COPS7B: variants seen among roughly 807,000 people sequenced by gnomAD.
COPS7B encodes the protein COP9 signalosome complex subunit 7b.
Under a neutral mutation model 33.4 loss-of-function variants are expected in COPS7B, and 9 were observed. The observed-to-expected ratio is 0.27, with a 90% confidence interval of 0.16 to 0.47. The LOEUF is 0.47. COPS7B is among the 20% of genes least tolerant of loss of function. COPS7B has a pLI of 0.99. For missense variants in COPS7B, 242 were observed against 318.2 expected (o/e 0.76, Z 1.82); for synonymous variants, 119 against 126.3 (o/e 0.94, Z 0.39).
In COPS7B at chr2:231,796,219, G is replaced by T; in HGVS notation, c.441G>T (p.Gln147His). 1 of 1,614,178 alleles carries T rather than the reference G, an allele frequency of 6.2e-7. No homozygotes were observed. Residue 147 changes from glutamine to histidine, a missense_variant, in exon 5 of 7, where the codon CAG becomes CAT. By Grantham distance (24) the Gln-to-His change is conservative. Transcript: ENST00000350033. ...YTDIIQGKLD[Q>H]RNQLLEVDFC... ...ACATCATCCAGGGCAAGCTGGACCA[G>T]CGAAACCAGCTGCTGGAAGTGGATT...
chr2:231,807,576 T>G lies in COPS7B; in HGVS notation c.726T>G (p.Pro242=). The change falls in exon 7 of 7, where the codon CCT becomes CCG. Residue 242 remains proline, a synonymous_variant. Transcript: ENST00000350033. The part of the protein sequence containing the change: ...EQQLAERECP[P]HAEQRQPTKK... ...AGCTGGCTGAACGGGAGTGTCCCCC[T>G]CACGCTGAGCAGAGGCAGCCCACCA... is the stretch of plus-strand genomic sequence containing the variant. 1 of 1,607,700 alleles carries G rather than the reference T, an allele frequency of 6.2e-7. No homozygotes were observed. The highest frequency in any genetic ancestry group is 1.3e-5 in the African/African-American group (1 of 74,796).
upstream of COPS7B, chr2:231,781,697 T>A (rs1422145338): frequency 4.1e-6 from 3 of 736,530 alleles, no homozygotes; most frequent in Non-Finnish European, 7.0e-6. Flanking sequence ...ACTCGGTTCC[T>A]CTGTAACTTA....
chr2:231,796,448 G>A (rs2049573439), intron 5 of COPS7B, 140 bp downstream of exon 5: 2 of 676,664 alleles, frequency 3.0e-6, no homozygotes, highest in Admixed American at 5.0e-5. Flanking sequence ...GCCGGAGAGT[G>A]GAGCTACATT....
rs1574688672 is a variant in COPS7B, at chr2:231,808,254, C to T, written c.*609C>T. The T allele has an allele frequency of 2.8e-6, 1 of 354,322 alleles. No homozygotes were observed. The highest frequency in any genetic ancestry group is 8.9e-5 in the East Asian group (1 of 11,250). The allele number at this position is 354,322 out of a possible 1,614,324, so 21.9% of individuals were successfully genotyped here. On this transcript the variant is annotated 3_prime_UTR_variant, in exon 7 of 7. Transcript: ENST00000350033. ...TCAGCCTCTTAAGCCCAGCTCCGAT[C>T]TCCAATTAGTTGAGAGCGCTGGGTT...
chr2:231,801,630 C>CT (rs199606465), intron 6 of COPS7B, among the ~76,000 whole-genome samples: 28,359 of 130,970 alleles, frequency 0.22, 3,019 homozygotes, highest in Non-Finnish European at 0.25. Flanking sequence ...TTTTTCTTTT[C>CT]TTTTTTTTTT....
chr2:231,781,687 A>T, upstream of COPS7B: 1 of 686,182 alleles, frequency 1.5e-6, no homozygotes, highest in Non-Finnish European at 2.6e-6. Flanking sequence ...CATCCCCTGC[A>T]CTCGGTTCCT....
rs532351628 is a variant in COPS7B, at chr2:231,786,940, C to T, written c.-17+402C>T. ...ACATTCTCTGCGCCCACAGGCTTTG[C>T]TCCTTAAGCCGAGATTTTTTGAAGG... is the stretch of plus-strand genomic sequence containing the variant. On this transcript the variant is annotated intron_variant, in intron 1 of 6. Coordinates refer to ENST00000350033, the MANE Select transcript of COPS7B (RefSeq NM_022730.4). 3.9e-5 allele frequency among the ~76,000 whole-genome samples: 6 copies of T among 152,346 alleles called. No individual in the cohort carries two copies. The South Asian group carries it at 1.0e-3, about 26-fold the overall frequency.
chr2:231,801,224 A>G, intron 6 of COPS7B: 1 of 1,550,474 alleles, frequency 6.4e-7, no homozygotes, highest in Non-Finnish European at 8.7e-7. Flanking sequence ...TGTAGCTTTA[A>G]GAGCCCTCCT....
intron 2 of COPS7B, chr2:231,791,163 A>T (rs976958161): frequency 6.5e-6 from 1 of 154,730 alleles, no homozygotes; most frequent in African/African-American, 2.4e-5. Context: ...TGCCATCAGC[A>T]TCAGTGAAGA....
intron 1 of COPS7B, among the ~76,000 whole-genome samples, chr2:231,787,465 G>A (rs533760809): frequency 6.6e-6 from 1 of 152,200 alleles, no homozygotes; most frequent in Non-Finnish European, 1.5e-5. Context: ...TACACTCAGC[G>A]TGTAATTAGA....
chr2:231,804,888 T>C (rs1252954640), intron 6 of COPS7B, among the ~76,000 whole-genome samples: 2 of 152,226 alleles, frequency 1.3e-5, no homozygotes, highest in Non-Finnish European at 2.9e-5. Context: ...ATAAATAAAC[T>C]AAAGTCATGT....
intron 3 of COPS7B, chr2:231,793,915 C>G: frequency 5.6e-6 from 1 of 177,322 alleles, no homozygotes; most frequent in Non-Finnish European, 1.2e-5. Flanking sequence ...ATCCTTGATT[C>G]TTCTCAGTAC....
At chr2:231,804,270 CAG>C (rs1444717142) in intron 6 of COPS7B, among the ~76,000 whole-genome samples, 33 of 142,266 alleles carry the variant, frequency 2.3e-4, no homozygotes, top group Admixed American at 2.2e-3. Context: ...TTTTTTGAGA[CAG>C]AGTCTGGCTC....
chr2:231,798,719 G>A (rs2049652702), intron 5 of COPS7B, 140 bp from the exon 6 acceptor site: 4 of 642,676 alleles, frequency 6.2e-6, no homozygotes, highest in Non-Finnish European at 1.1e-5. Flanking sequence ...AGGAGTGAAC[G>A]GGCAAGAGAT....
intron 6 of COPS7B, among the ~76,000 whole-genome samples, chr2:231,802,721 A>G (rs966533546): frequency 3.9e-5 from 6 of 152,260 alleles, no homozygotes; most frequent in Admixed American, 1.3e-4. Context: ...TGGGTGGCCA[A>G]TTTGGAGTCC....
Position 231,808,564 on chromosome 2 carries a change from C to G in COPS7B, c.*919C>G. Reference sequence around the variant, plus strand: ...TGTTGCTGCTTCTGTCTTTTCACCCCTCCTTGGCTGATGACCCAGAGCCCT... The same window carrying G: ...TGTTGCTGCTTCTGTCTTTTCACCCGTCCTTGGCTGATGACCCAGAGCCCT... On this transcript the variant is annotated 3_prime_UTR_variant, in exon 7 of 7. Transcript: ENST00000350033. 2.1e-6 allele frequency: 1 copy of G among 470,898 alleles called. No homozygotes were observed. The highest frequency in any genetic ancestry group is 2.0e-5 in the African/African-American group (1 of 50,156). The allele number at this position is 470,898 out of a possible 1,614,324, so 29.2% of individuals were successfully genotyped here. A position where few individuals can be genotyped will look rare whatever the true frequency, so the allele number is the denominator to read the frequency against.
chr2:231,783,751 G>A (rs1226417198), upstream of COPS7B, among the ~76,000 whole-genome samples: 1 of 152,086 alleles, frequency 6.6e-6, no homozygotes, highest in East Asian at 1.9e-4. Flanking sequence ...GAGGGATGGG[G>A]TCTCTGCTGT....
At position 231,804,577 on chromosome 2, in the gene COPS7B, C is replaced by G. The variant is rs528840128; in HGVS notation, c.637-2910C>G. Among the ~76,000 whole-genome samples, 19 of 152,180 alleles carry G rather than the reference C, an allele frequency of 1.2e-4. No homozygotes were observed. The East Asian group carries it at 1.5e-3, about 12-fold the overall frequency. On this transcript the variant is annotated intron_variant, in intron 6 of 6. Coordinates refer to ENST00000350033, the MANE Select transcript of COPS7B (RefSeq NM_022730.4). ...TGATTGTTTAGTAAAAATTATTACA[C>G]AAATAACTTGAGGAAATAAGGCTAA...
Position 231,808,615 on chromosome 2 carries a change from A to C in COPS7B, c.*970A>C, listed in dbSNP as rs1425321351. ...CTGATGATGGCATTCTCCTGGCAAGAGAAAAAGACTTAACTAGACTTCTGA... is the reference window on the plus strand; with the variant it reads ...CTGATGATGGCATTCTCCTGGCAAGCGAAAAAGACTTAACTAGACTTCTGA... On this transcript the variant is annotated 3_prime_UTR_variant, in exon 7 of 7. Coordinates refer to ENST00000350033, the MANE Select transcript of COPS7B (RefSeq NM_022730.4). The C allele has an allele frequency of 6.7e-6, 3 of 445,566 alleles. 1 individual carries two copies. Among genetic ancestry groups the C allele is most frequent in the South Asian group, 4.9e-5 (3 of 60,778 alleles). The allele number at this position is 445,566 out of a possible 1,614,324, so 27.6% of individuals were successfully genotyped here.
Sources: allele counts gnomAD v4.1 joint callset (sites outside exome capture counted in the v4.1 genomes callset), GRCh38; gene constraint gnomAD v4.1.1; transcripts MANE v1.5; gene names NCBI Gene and HGNC (gene_info 2026-07-23, HGNC 2026-07-21).